PRKAR2A: variants seen among roughly 807,000 people sequenced by gnomAD.
PRKAR2A encodes protein kinase cAMP-dependent type II regulatory subunit alpha.
PRKAR2A carries 29 observed loss-of-function variants against 51.9 expected under a neutral mutation model. That is an observed-to-expected ratio of 0.56 (90% CI 0.42 to 0.76). The LOEUF is 0.76. Ranked by LOEUF, PRKAR2A falls within the 30% of genes least tolerant of loss-of-function variation. The pLI is 0.00. For synonymous variants in PRKAR2A, 178 were observed against 186.2 expected, an observed-to-expected ratio of 0.96 and a Z score of 0.36; for missense variants, 445 against 512.1, an observed-to-expected ratio of 0.87 and a Z score of 1.26.
At chr3:48,776,962 G>A (rs1046702585) in intron 5 of PRKAR2A, among the ~76,000 whole-genome samples, 9 of 152,074 alleles carry the variant, frequency 5.9e-5, no homozygotes, top group East Asian at 3.9e-4. Flanking sequence ...TCCATTAGTC[G>A]ACTCCATTTT....
rs1487747682 is a variant in PRKAR2A, at chr3:48,749,897, CTTTTTTTTTTTTT to C, written c.*1675_*1687del. On this transcript the variant is annotated 3_prime_UTR_variant, in exon 11 of 11. Coordinates refer to ENST00000265563, the MANE Select transcript of PRKAR2A (RefSeq NM_004157.4). Reference sequence around the variant, plus strand: ...ACCTAAAGAATAATTTTTTTTCTTTCTTTTTTTTTTTTTAAGAGACAGGGTCTCACTGTGTCAC... The same window carrying C: ...ACCTAAAGAATAATTTTTTTTCTTTCAAGAGACAGGGTCTCACTGTGTCAC... 1.4e-5 allele frequency: 2 copies of C among 143,106 alleles called. No individual in the cohort carries two copies. Among genetic ancestry groups the C allele is most frequent in the Non-Finnish European group, 3.1e-5 (2 of 64,994 alleles). 8.9% of individuals were successfully genotyped at this position (143,106 alleles called of 1,614,324 possible). A position where few individuals can be genotyped will look rare whatever the true frequency, so the allele number is the denominator to read the frequency against.
chr3:48,754,102 A>G (rs2081713218), intron 9 of PRKAR2A, among the ~76,000 whole-genome samples: 1 of 151,602 alleles, frequency 6.6e-6, no homozygotes, highest in Non-Finnish European at 1.5e-5. Context: ...GGGTTTAACC[A>G]TGTTAGCCAG....
chr3:48,774,308 ATAGT>A (rs961750455), intron 5 of PRKAR2A, among the ~76,000 whole-genome samples: 2 of 151,972 alleles, frequency 1.3e-5, no homozygotes, highest in Non-Finnish European at 2.9e-5. Context: ...TCTTCTATTA[ATAGT>A]TACTTTGAAA....
chr3:48,844,956 T>C (rs1047826387), intron 1 of PRKAR2A, among the ~76,000 whole-genome samples: 4 of 151,990 alleles, frequency 2.6e-5, no homozygotes, highest in Admixed American at 2.0e-4. Context: ...ATTGTGCACA[T>C]GTACCCTAAA....
intron 1 of PRKAR2A, among the ~76,000 whole-genome samples, chr3:48,829,813 A>G (rs2083150557): frequency 7.5e-6 from 1 of 133,728 alleles, no homozygotes; most frequent in Non-Finnish European, 1.6e-5. Flanking sequence ...ATACATATAT[A>G]TGTATGTATA....
chr3:48,760,692 G>T (rs1453510646), intron 8 of PRKAR2A, among the ~76,000 whole-genome samples: 1 of 151,104 alleles, frequency 6.6e-6, no homozygotes, highest in Admixed American at 6.6e-5. Context: ...AAAATTAGCT[G>T]GGCATGGTGG....
chr3:48,819,689 T>C (rs1407565411), intron 1 of PRKAR2A, among the ~76,000 whole-genome samples: 6 of 152,226 alleles, frequency 3.9e-5, no homozygotes, highest in Non-Finnish European at 5.9e-5. Context: ...GTTTGCTTAC[T>C]GCTGCCCCTA....
In PRKAR2A at chr3:48,779,609, C is replaced by CA. The variant is rs577988811; in HGVS notation, c.542+3376dup. ...CAGCCTGGCCAACACGGTGAAACCCCATCTCCACTAAAATACAAAAATTAG... is the reference window on the plus strand; with the variant it reads ...CAGCCTGGCCAACACGGTGAAACCCCAATCTCCACTAAAATACAAAAATTAG... On this transcript the variant is annotated intron_variant, in intron 5 of 10. Coordinates refer to ENST00000265563, the MANE Select transcript of PRKAR2A (RefSeq NM_004157.4). Among the ~76,000 whole-genome samples the CA allele has an allele frequency of 3.5e-3, 537 of 151,420 alleles. 6 individuals carry two copies. The highest frequency in any genetic ancestry group is 0.012 in the African/African-American group (507 of 41,292).
chr3:48,746,628 A>G lies in PRKAR2A; in HGVS notation c.*4957T>C, dbSNP rs577571340. The G allele has an allele frequency of 1.3e-5, 2 of 152,306 alleles. No individual in the cohort carries two copies. Among genetic ancestry groups the G allele is most frequent in the East Asian group, 3.9e-4 (2 of 5,186 alleles). 9.4% of individuals were successfully genotyped at this position (152,306 alleles called of 1,614,324 possible). A position where few individuals can be genotyped will look rare whatever the true frequency, so the allele number is the denominator to read the frequency against. ...TTAATCAAGAGTAAAGCCGAGCCCT[A>G]GGGTTTCCTTAACAACAACAAAAAG... On this transcript the variant is annotated 3_prime_UTR_variant, in exon 11 of 11. Transcript: ENST00000265563.
intron 2 of PRKAR2A, among the ~76,000 whole-genome samples, chr3:48,803,386 G>C (rs942771677): frequency 6.6e-5 from 10 of 152,158 alleles, no homozygotes; most frequent in Non-Finnish European, 1.5e-4. Flanking sequence ...CTCTAGCCCA[G>C]CCTGGGCAAT....
chr3:48,777,475 G>A (rs2082123488), intron 5 of PRKAR2A, among the ~76,000 whole-genome samples: 2 of 151,818 alleles, frequency 1.3e-5, no homozygotes, highest in East Asian at 1.9e-4. Flanking sequence ...GCATGATCTC[G>A]GCTCACTGTA....
intron 1 of PRKAR2A, among the ~76,000 whole-genome samples, chr3:48,822,605 GAC>G (rs562871758): frequency 2.7e-4 from 41 of 152,082 alleles, no homozygotes; most frequent in Admixed American, 1.4e-3. Flanking sequence ...TAAAACACAA[GAC>G]ACATGTCACA....
intron 1 of PRKAR2A, among the ~76,000 whole-genome samples, chr3:48,843,758 G>A (rs1420151771): frequency 1.6e-4 from 25 of 152,172 alleles, no homozygotes; most frequent in African/African-American, 5.8e-4. Context: ...TTTAATAAAT[G>A]GTGCTGGGAA....
In PRKAR2A at chr3:48,811,477, C is replaced by T. The variant is rs572671449; in HGVS notation, c.263-3793G>A. 7.2e-4 allele frequency among the ~76,000 whole-genome samples: 110 copies of T among 152,188 alleles called. 1 individual carries two copies. The highest frequency in any genetic ancestry group is 2.6e-3 in the African/African-American group (107 of 41,548). On this transcript the variant is annotated intron_variant, in intron 1 of 10. Transcript: ENST00000265563. ...GTGACAGAGCAAAAGACCCTGTCTT[C>T]AGCCATAAAAAGGAATCATTACTGA...
intron 8 of PRKAR2A, among the ~76,000 whole-genome samples, chr3:48,760,457 C>G (rs1368813475): frequency 6.6e-6 from 1 of 151,994 alleles, no homozygotes; most frequent in Non-Finnish European, 1.5e-5. Flanking sequence ...GGGAGGATCA[C>G]TTGAGGTCAG....
rs1360442337 is a variant in PRKAR2A at position 48,754,004 on chromosome 3, TCTC to T, written c.940-1690_940-1688del. Among the ~76,000 whole-genome samples the T allele has an allele frequency of 6.0e-5, 9 of 150,564 alleles. 1 individual carries two copies. In the East Asian group the frequency reaches 1.8e-3, roughly 29 times the overall value. Reference sequence around the variant, plus strand: ...GCTCTGCCTCCTGGGCTCATGCCATTCTCCTGCCTCAGCCTCCTGAGTAGCTGG... The same window carrying T: ...GCTCTGCCTCCTGGGCTCATGCCATTCTGCCTCAGCCTCCTGAGTAGCTGG... On this transcript the variant is annotated intron_variant, in intron 9 of 10. Transcript: ENST00000265563.
chr3:48,827,092 T>G (rs1217288731), intron 1 of PRKAR2A, among the ~76,000 whole-genome samples: 1 of 152,100 alleles, frequency 6.6e-6, no homozygotes, highest in Non-Finnish European at 1.5e-5. Flanking sequence ...GCATTAAAGT[T>G]AACCATATCC....
In PRKAR2A at chr3:48,807,681, G is replaced by A. The variant is rs757982173; in HGVS notation, c.266C>T (p.Pro89Leu). ...ESEEDEDLEV[P>L]VPSRFNRRVS... ...TCGTCTATTAAATCTGCTAGGAACT[G>A]GAACTGCAAAATAAAGAAGCAACAT... The change falls in exon 2 of 11, where the codon CCA (proline) becomes CTA (leucine). Residue 89 changes from proline (P) to leucine (L), a missense_variant. Physicochemically the swap from Pro to Leu is moderately conservative, Grantham distance 98. Coordinates refer to ENST00000265563, the MANE Select transcript of PRKAR2A (RefSeq NM_004157.4). 2 of 1,604,482 alleles carry A rather than the reference G, an allele frequency of 1.2e-6. No homozygotes were observed. Among genetic ancestry groups the A allele is most frequent in the Admixed American group, 1.7e-5 (1 of 59,628 alleles).
rs1459854354 is a variant in PRKAR2A at position 48,752,539 on chromosome 3, A to T, written c.940-222T>A. On this transcript the variant is annotated intron_variant, in intron 9 of 10. Coordinates refer to ENST00000265563, the MANE Select transcript of PRKAR2A (RefSeq NM_004157.4). ...TTTACCTAGAGCTCGGAGTCCTAAC[A>T]TTTTCAAGGTAATCTACAGCCATAC... is the stretch of plus-strand genomic sequence containing the variant. Among the ~76,000 whole-genome samples the T allele has an allele frequency of 2.6e-5, 4 of 152,156 alleles. No individual in the cohort carries two copies. In the South Asian group the frequency reaches 8.3e-4, roughly 32 times the overall value.
Sources: gnomAD v4.1 joint callset for allele counts (sites outside exome capture counted in the v4.1 genomes callset) on GRCh38, gnomAD v4.1.1 for gene constraint, MANE v1.5 for transcripts, NCBI Gene and HGNC (gene_info 2026-07-23, HGNC 2026-07-21) for gene names.